CSMD1: variants seen among roughly 807,000 people sequenced by gnomAD.
CSMD1 encodes CUB and sushi domain-containing protein 1.
CSMD1 carries 213 observed loss-of-function variants against 417.5 expected under a neutral mutation model. The observed-to-expected ratio is 0.51, with a 90% CI of 0.46 to 0.57. CSMD1 has a LOEUF of 0.57. CSMD1 is among the 20% of genes least tolerant of loss of function. The probability of loss-of-function intolerance (pLI) is 0.00; values close to 1 mark genes in which losing one functional copy is unlikely to be tolerated. For synonymous variants in CSMD1, 2,862 were observed against 1,736.8 expected, an observed-to-expected ratio of 1.65 and a Z score of -16.11; for missense variants, 6,923 against 4,529.7, an observed-to-expected ratio of 1.53 and a Z score of -15.17.
chr8:4,520,723 T>C (rs2130393809), intron 2 of CSMD1, among the ~76,000 whole-genome samples: 1 of 152,332 alleles, frequency 6.6e-6, no homozygotes, highest in Middle Eastern at 3.4e-3. Flanking sequence ...GAACTTTTGT[T>C]CCAATTATTT....
chr8:4,196,048 G>A (rs182668655), intron 3 of CSMD1, among the ~76,000 whole-genome samples: 28 of 151,982 alleles, frequency 1.8e-4, no homozygotes, highest in Admixed American at 3.3e-4. Flanking sequence ...CGTCTCTACT[G>A]AAAATACAAA....
At chr8:4,485,840 G>A (rs560542477) in intron 2 of CSMD1, among the ~76,000 whole-genome samples, 6 of 151,714 alleles carry the variant, frequency 4.0e-5, no homozygotes, top group Non-Finnish European at 5.9e-5. Context: ...ACATATAAAC[G>A]CAAATGTCAA....
intron 3 of CSMD1, among the ~76,000 whole-genome samples, chr8:4,279,638 T>C (rs920857263): frequency 6.6e-6 from 1 of 152,206 alleles, no homozygotes; most frequent in Non-Finnish European, 1.5e-5. Context: ...TTGGATGTGG[T>C]AACTCATTCG....
At chr8:4,033,624 T>C (rs917449152) in intron 3 of CSMD1, among the ~76,000 whole-genome samples, 2 of 152,190 alleles carry the variant, frequency 1.3e-5, no homozygotes, top group African/African-American at 2.4e-5. Flanking sequence ...TGGGCACTTG[T>C]TCTCAGGACC....
intron 1 of CSMD1, among the ~76,000 whole-genome samples, chr8:4,868,577 A>G (rs4442165): frequency 1 from 151,740 of 152,154 alleles, 75,667 homozygotes; most frequent in East Asian, 1. Flanking sequence ...TAAAAAACCA[A>G]TCATTTTCAT....
intron 8 of CSMD1, among the ~76,000 whole-genome samples, chr8:3,593,150 A>G (rs886603799): frequency 6.6e-6 from 1 of 152,152 alleles, no homozygotes; most frequent in African/African-American, 2.4e-5. Context: ...GATAAGTGTG[A>G]TGGTGGCGTG....
chr8:4,674,706 G>C (rs759579255), intron 1 of CSMD1, among the ~76,000 whole-genome samples: 2 of 152,140 alleles, frequency 1.3e-5, no homozygotes, highest in African/African-American at 4.8e-5. Context: ...GAATGTAGAA[G>C]AGAGTAGTGC....
At position 3,772,249 on chromosome 8, in the gene CSMD1, ATACATATATTTAGACATACATATG is replaced by A. The variant is rs1242927280; in HGVS notation, c.819-18231_819-18208del. Among the ~76,000 whole-genome samples the A allele has an allele frequency of 3.0e-4, 24 of 80,290 alleles. 2 individuals are homozygous for A. The highest frequency in any genetic ancestry group is 9.9e-4 in the African/African-American group (24 of 24,354). 52.7% of individuals were successfully genotyped at this position (80,290 alleles called of 152,430 possible). A position where few individuals can be genotyped will look rare whatever the true frequency, so the allele number is the denominator to read the frequency against. ...CACACACATATTTATATATAGATATATACATATATTTAGACATACATATGTACATATATTTAGACATACATATGT... is the reference window on the plus strand; with the variant it reads ...CACACACATATTTATATATAGATATATACATATATTTAGACATACATATGT... On this transcript the variant is annotated intron_variant, in intron 5 of 69. Coordinates refer to ENST00000635120, the MANE Select transcript of CSMD1 (RefSeq NM_033225.6).
At chr8:3,224,382 A>G (rs1371900519) in intron 27 of CSMD1, among the ~76,000 whole-genome samples, 2 of 152,168 alleles carry the variant, frequency 1.3e-5, no homozygotes, top group African/African-American at 4.8e-5. Flanking sequence ...TTTTATCCCA[A>G]ACGTCTAGGC....
At chr8:4,364,035 A>C (rs1801928908) in intron 3 of CSMD1, among the ~76,000 whole-genome samples, 1 of 152,204 alleles carries the variant, frequency 6.6e-6, no homozygotes, top group Non-Finnish European at 1.5e-5. Context: ...TATTTCAATA[A>C]CTAAGACTAT....
chr8:3,923,704 A>G (rs369854244), intron 5 of CSMD1, among the ~76,000 whole-genome samples: 1 of 152,220 alleles, frequency 6.6e-6, no homozygotes, highest in South Asian at 2.1e-4. Flanking sequence ...TGTACAATAA[A>G]TCTCTAGTTC....
intron 48 of CSMD1, among the ~76,000 whole-genome samples, chr8:3,091,001 T>G (rs986488849): frequency 7.2e-5 from 11 of 152,066 alleles, no homozygotes; most frequent in African/African-American, 2.7e-4. Context: ...TAATTTACAT[T>G]TTGATGAGGA....
intron 5 of CSMD1, among the ~76,000 whole-genome samples, chr8:3,900,689 G>C (rs1303485345): frequency 4.0e-5 from 6 of 151,892 alleles, no homozygotes; most frequent in African/African-American, 1.5e-4. Flanking sequence ...AGTGTAGCTT[G>C]GTGGCCCTGA....
At chr8:4,064,929 T>TA (rs35007277) in intron 3 of CSMD1, among the ~76,000 whole-genome samples, 130 of 148,814 alleles carry the variant, frequency 8.7e-4, no homozygotes, top group African/African-American at 2.0e-3. Flanking sequence ...GACCTAGGCT[T>TA]AAAAAAAAAA....
chr8:4,214,590 G>A (rs1218129611), intron 3 of CSMD1, among the ~76,000 whole-genome samples: 1 of 152,120 alleles, frequency 6.6e-6, no homozygotes, highest in East Asian at 1.9e-4. Flanking sequence ...GAGCCACTGT[G>A]CCTGGCCCAC....
At chr8:3,172,736 C>G (rs1820659495) in intron 37 of CSMD1, among the ~76,000 whole-genome samples, 1 of 152,122 alleles carries the variant, frequency 6.6e-6, no homozygotes, top group Non-Finnish European at 1.5e-5. Flanking sequence ...AAGGTCATTC[C>G]TAAAGAAAAA....
At position 3,378,983 on chromosome 8, in the gene CSMD1, T is replaced by C. The variant is rs146998084; in HGVS notation, c.2782+8511A>G. On this transcript the variant is annotated intron_variant, in intron 18 of 69. Coordinates refer to ENST00000635120, the MANE Select transcript of CSMD1 (RefSeq NM_033225.6). ...TCTCTGTTTGGAGATGACATGATTG[T>C]ATATTTAGAAAACCCCATTTTCTCA... Among the ~76,000 whole-genome samples the C allele has an allele frequency of 1.4e-3, 216 of 152,346 alleles. 3 individuals carry two copies. The East Asian group carries it at 0.035, about 24-fold the overall frequency.
intron 5 of CSMD1, among the ~76,000 whole-genome samples, chr8:3,940,718 C>T (rs1260330156): frequency 6.6e-6 from 1 of 151,788 alleles, no homozygotes; most frequent in Non-Finnish European, 1.5e-5. Flanking sequence ...AAATTTCATA[C>T]TAGCATTCAT....
At chr8:4,215,853 G>A (rs968004570) in intron 3 of CSMD1, among the ~76,000 whole-genome samples, 1 of 152,152 alleles carries the variant, frequency 6.6e-6, no homozygotes, top group Non-Finnish European at 1.5e-5. Context: ...CAGGGTTTAT[G>A]TGATTAATTC....
Sources: gnomAD v4.1 joint callset for allele counts (sites outside exome capture counted in the v4.1 genomes callset) on GRCh38, gnomAD v4.1.1 for gene constraint, MANE v1.5 for transcripts, NCBI Gene and HGNC (gene_info 2026-07-23, HGNC 2026-07-21) for gene names.